Variants in DMXL2 observed in about 807,000 individuals in gnomAD.
The protein encoded by DMXL2 is dmX-like protein 2.
A neutral mutation model predicts 331.1 loss-of-function variants in DMXL2; 103 were observed. The observed-to-expected ratio is 0.31, with a 90% CI of 0.27 to 0.37. The LOEUF (loss-of-function observed/expected upper bound fraction) is 0.37. DMXL2 is among the 10% of genes least tolerant of loss of function. The probability of loss-of-function intolerance (pLI) is 1.00; values close to 1 mark genes in which losing one functional copy is unlikely to be tolerated. For synonymous variants in DMXL2, 1,281 were observed against 1,252.1 expected, an observed-to-expected ratio of 1.02 and a Z score of -0.49; for missense variants, 3,171 against 3,642.9, an observed-to-expected ratio of 0.87 and a Z score of 3.33.
chr15:51,576,176 A>G lies in DMXL2; in HGVS notation c.93T>C (p.Tyr31=), dbSNP rs2414105. Residue 31 remains tyrosine (Y), a synonymous_variant, in exon 2 of 44, where the codon TAT becomes TAC. Transcript: ENST00000560891. ...GSVGDVPFTA[Y]GSGCDIVILA... The stretch of plus-strand genomic sequence containing the variant: ...AAATAACAATATCACAGCCTGATCC[A>G]TATGCCTAAAAAAAAAAAAAAAAAA... The G allele has an allele frequency of 0.44, 520,992 of 1,180,096 alleles. 127,911 individuals carry two copies. Among genetic ancestry groups the G allele is most frequent in the African/African-American group, 0.45 (25,080 of 55,472 alleles). 73.1% of individuals were successfully genotyped at this position (1,180,096 alleles called of 1,614,324 possible).
intron 20 of DMXL2, among the ~76,000 whole-genome samples, chr15:51,490,829 T>C (rs2042741745): frequency 1.3e-5 from 2 of 152,228 alleles, no homozygotes; most frequent in South Asian, 4.1e-4. Flanking sequence ...TTCAAGTACA[T>C]ACAAATCAAA....
intron 8 of DMXL2, among the ~76,000 whole-genome samples, chr15:51,544,015 CCTA>C (rs1438866815): frequency 6.6e-6 from 1 of 152,102 alleles, no homozygotes; most frequent in Non-Finnish European, 1.5e-5. Flanking sequence ...AGTACTTTGT[CCTA>C]CTAAATATCA....
At chr15:51,609,943 A>C (rs1455887231) in intron 1 of DMXL2, among the ~76,000 whole-genome samples, 2 of 151,888 alleles carry the variant, frequency 1.3e-5, no homozygotes, top group African/African-American at 4.9e-5. Context: ...AAAAAAAAAA[A>C]AAAACTATCT....
In DMXL2 at chr15:51,542,319, ACTTTATC is replaced by A. The variant is rs776903820; in HGVS notation, c.1105+7_1105+13del. 8.1e-6 allele frequency: 13 copies of A among 1,607,690 alleles called. No homozygotes were observed. The highest frequency in any genetic ancestry group is 1.0e-5 in the Non-Finnish European group (12 of 1,175,916). The stretch of plus-strand genomic sequence containing the variant: ...CTTCAACATATTTATGGGAAATAAA[ACTTTATC>A]CTTTACCTGTGGCAGGGTTGATGCT... On this transcript the variant is annotated splice_region_variant and intron_variant, in intron 9 of 43. Transcript: ENST00000560891.
chr15:51,597,249 C>A (rs1483606615), intron 1 of DMXL2, among the ~76,000 whole-genome samples: 1 of 152,156 alleles, frequency 6.6e-6, no homozygotes, highest in Non-Finnish European at 1.5e-5. Flanking sequence ...TTTCCAGCAA[C>A]TCAAAAGATT....
chr15:51,503,146 G>C, intron 16 of DMXL2, 113 bp from the exon 17 acceptor site: 1 of 783,330 alleles, frequency 1.3e-6, no homozygotes. Flanking sequence ...AAGTATTTTG[G>C]AGGTGAGGAT....
chr15:51,604,053 A>G (rs2053409477), intron 1 of DMXL2, among the ~76,000 whole-genome samples: 2 of 152,114 alleles, frequency 1.3e-5, no homozygotes, highest in Non-Finnish European at 2.9e-5. Context: ...AAACAATAAT[A>G]TACCATAACG....
intron 16 of DMXL2, among the ~76,000 whole-genome samples, chr15:51,505,598 G>C (rs979404061): frequency 3.3e-5 from 5 of 152,136 alleles, no homozygotes; most frequent in African/African-American, 1.2e-4. Context: ...AACTCCAAAG[G>C]CTTTGAAAGA....
intron 6 of DMXL2, among the ~76,000 whole-genome samples, chr15:51,559,824 C>A (rs1175302680): frequency 6.6e-6 from 1 of 152,176 alleles, no homozygotes; most frequent in Non-Finnish European, 1.5e-5. Flanking sequence ...CTAGGAGCAA[C>A]AGGAACTATT....
chr15:51,458,505 C>T lies in DMXL2; in HGVS notation c.8198+1G>A, dbSNP rs2039848935. ...TATGTAAAAGTGACTATGAGACAAA[C>T]CTTTTGGATTCTCTGTCATATTCTT... On this transcript the variant is annotated splice_donor_variant, in intron 36 of 43. Transcript: ENST00000560891. LOFTEE classifies it high-confidence loss of function. 6.2e-7 allele frequency: 1 copy of T among 1,613,048 alleles called. No individual in the cohort carries two copies.
Position 51,487,994 on chromosome 15 carries a change from G to A in DMXL2, c.5177C>T (p.Ala1726Val). 1 of 1,611,988 alleles carries A rather than the reference G, an allele frequency of 6.2e-7. No individual in the cohort carries two copies. The highest frequency in any genetic ancestry group is 8.5e-7 in the Non-Finnish European group (1 of 1,179,238). ...LGKQRFEQSAAFFLLAGSLKD... is the reference protein window; with the variant it reads ...LGKQRFEQSAVFFLLAGSLKD... ...CAATGAACCAGCTAGCAAGAAAAAA[G>A]CAGCCGATTGTTCAAAGCGTTGTTT... Residue 1726 changes from alanine to valine, a missense_variant, in exon 22 of 44, where the codon GCT becomes GTT. Transcript: ENST00000560891.
chr15:51,472,512 A>G (rs555317592), intron 28 of DMXL2, among the ~76,000 whole-genome samples: 1 of 152,272 alleles, frequency 6.6e-6, no homozygotes, highest in South Asian at 2.1e-4. Context: ...TATACCAAAT[A>G]AGCAGTCACT....
chr15:51,565,911 G>C (rs571242797), intron 3 of DMXL2, among the ~76,000 whole-genome samples: 1 of 152,042 alleles, frequency 6.6e-6, no homozygotes, highest in Non-Finnish European at 1.5e-5. Context: ...TGTATACAAG[G>C]TTTCCTGACT....
chr15:51,494,510 G>A (rs1388175998), intron 19 of DMXL2, among the ~76,000 whole-genome samples: 3 of 152,186 alleles, frequency 2.0e-5, no homozygotes, highest in South Asian at 2.1e-4. Context: ...TCTGTAATAC[G>A]AAGGCTGATA....
At chr15:51,531,111 A>G (rs758260976) in intron 13 of DMXL2, among the ~76,000 whole-genome samples, 22 of 152,228 alleles carry the variant, frequency 1.4e-4, no homozygotes, top group African/African-American at 2.9e-4. Flanking sequence ...TGGAAAAATC[A>G]TATTATCTGA....
At chr15:51,459,939 A>AAGTT in intron 33 of DMXL2, 1 of 983,904 alleles carries the variant, frequency 1.0e-6, no homozygotes, top group African/African-American at 1.7e-5. Context: ...TAAGAAATCT[A>AAGTT]AGTTACATAA....
intron 9 of DMXL2, among the ~76,000 whole-genome samples, chr15:51,540,781 T>C (rs2048551166): frequency 6.6e-6 from 1 of 152,170 alleles, no homozygotes; most frequent in Non-Finnish European, 1.5e-5. Flanking sequence ...AAATTGTTTT[T>C]AAAATAATAT....
chr15:51,485,508 G>A (rs2042327783), intron 23 of DMXL2, among the ~76,000 whole-genome samples: 1 of 152,184 alleles, frequency 6.6e-6, no homozygotes, highest in Non-Finnish European at 1.5e-5. Flanking sequence ...CCACACTGCT[G>A]TGCATCTTAC....
At position 51,499,572 on chromosome 15, in the gene DMXL2, G is replaced by A; in HGVS notation, c.3652C>T (p.Leu1218=). Residue 1218 remains leucine (L), a synonymous_variant, in exon 18 of 44, where the codon CTA becomes TTA. Transcript: ENST00000560891. ...KDGVAVITLP[L]GGSIKQGVKS... ...ACTCCTTGCTTGATACTACCACCTA[G>A]TGGTAAAGTGATGACAGCTACTCCA... 6.2e-7 allele frequency: 1 copy of A among 1,614,120 alleles called. No individual in the cohort carries two copies. Among genetic ancestry groups the A allele is most frequent in the Non-Finnish European group, 8.5e-7 (1 of 1,179,996 alleles).
Sources: gnomAD v4.1 joint callset for allele counts (sites outside exome capture counted in the v4.1 genomes callset) on GRCh38, gnomAD v4.1.1 for gene constraint, MANE v1.5 for transcripts, NCBI Gene and HGNC (gene_info 2026-07-23, HGNC 2026-07-21) for gene names.